BAZ2B: variants seen among roughly 807,000 people sequenced by gnomAD.
The protein encoded by BAZ2B is bromodomain adjacent to zinc finger domain 2B.
Under a neutral mutation model 246.0 loss-of-function variants are expected in BAZ2B, and 91 were observed. The observed-to-expected ratio is 0.37, with a 90% CI of 0.31 to 0.44. BAZ2B has a LOEUF of 0.44. Among genes scored for constraint, BAZ2B ranks in the 20% least tolerant of loss-of-function variants. BAZ2B has a pLI of 1.00. For missense variants in BAZ2B, 2,332 were observed against 2,533.7 expected (o/e 0.92, Z 1.71); for synonymous variants, 855 against 860.0 (o/e 0.99, Z 0.10).
At chr2:159,521,580 C>T (rs369607053) in intron 2 of BAZ2B, among the ~76,000 whole-genome samples, 45 of 152,128 alleles carry the variant, frequency 3.0e-4, no homozygotes, top group African/African-American at 1.1e-3. Context: ...CTTTTTGAAT[C>T]GTTTGTTCTT....
chr2:159,491,720 C>CAAAAAAAAAAAAAAAAAAAAAAAAAA (rs773067675), intron 2 of BAZ2B, among the ~76,000 whole-genome samples: 1 of 29,554 alleles, frequency 3.4e-5, no homozygotes, highest in Non-Finnish European at 5.1e-5. Flanking sequence ...GACTCCGTCT[C>CAAAAAAAAAAAAAAAAAAAAAAAAAA]AAAAAAAAAA....
the BAZ2B span, among the ~76,000 whole-genome samples, chr2:159,663,855 CTTTTTTTTTTTTTTTTTTTTTT>C: frequency 2.5e-4 from 23 of 92,488 alleles, no homozygotes; most frequent in African/African-American, 9.0e-4. Flanking sequence ...AAACCATTTT[CTTTTTTTTTTTTTTTTTTTTTT>C]TTTTTTTTTT....
At chr2:159,487,979 A>G (rs773878662) in intron 2 of BAZ2B, among the ~76,000 whole-genome samples, 26 of 152,170 alleles carry the variant, frequency 1.7e-4, no homozygotes, top group Non-Finnish European at 2.4e-4. Context: ...CAAGAAGCTC[A>G]AAGGACAGCT....
At chr2:159,511,811 A>C (rs1326055815) in intron 2 of BAZ2B, among the ~76,000 whole-genome samples, 1 of 152,182 alleles carries the variant, frequency 6.6e-6, no homozygotes, top group Non-Finnish European at 1.5e-5. Flanking sequence ...TAAAATAAAG[A>C]ATGTTGTAGG....
At chr2:159,696,430 C>T in the BAZ2B span, among the ~76,000 whole-genome samples, 1 of 152,188 alleles carries the variant, frequency 6.6e-6, no homozygotes, top group Middle Eastern at 3.4e-3. Flanking sequence ...GGGCATTTAT[C>T]CCTTCCTTTT....
intron 1 of BAZ2B, among the ~76,000 whole-genome samples, chr2:159,566,761 T>G (rs1166901458): frequency 2.6e-5 from 4 of 152,246 alleles, no homozygotes; most frequent in African/African-American, 9.6e-5. Flanking sequence ...AAACACACAT[T>G]TGCATTTTTA....
At chr2:159,659,580 C>T in the BAZ2B span, among the ~76,000 whole-genome samples, 14 of 152,130 alleles carry the variant, frequency 9.2e-5, no homozygotes, top group Non-Finnish European at 1.0e-4. Flanking sequence ...TTTTATTCTC[C>T]ACTTCTGAGT....
At chr2:159,679,672 A>G in the BAZ2B span, among the ~76,000 whole-genome samples, 1 of 152,258 alleles carries the variant, frequency 6.6e-6, no homozygotes, top group Non-Finnish European at 1.5e-5. Context: ...TTAGTTCATC[A>G]CTATTCAGGA....
At chr2:159,630,564 C>G in the BAZ2B span, among the ~76,000 whole-genome samples, 1 of 148,996 alleles carries the variant, frequency 6.7e-6, no homozygotes, top group African/African-American at 2.5e-5. Flanking sequence ...GACGGAGTCT[C>G]GCTCTGTCGC....
At chr2:159,575,518 A>G (rs1179505374) in intron 1 of BAZ2B, among the ~76,000 whole-genome samples, 1 of 152,188 alleles carries the variant, frequency 6.6e-6, no homozygotes, top group Non-Finnish European at 1.5e-5. Flanking sequence ...CTTTGCCTCC[A>G]AAGAAGTCAA....
chr2:159,324,377 T>C (rs2063146198), intron 36 of BAZ2B, among the ~76,000 whole-genome samples: 1 of 152,222 alleles, frequency 6.6e-6, no homozygotes, highest in Non-Finnish European at 1.5e-5. Flanking sequence ...TACATTGTGA[T>C]AATCTAACAA....
chr2:159,521,597 A>AT (rs1030957574), intron 2 of BAZ2B, among the ~76,000 whole-genome samples: 4 of 151,920 alleles, frequency 2.6e-5, no homozygotes, highest in Admixed American at 2.6e-4. Flanking sequence ...TCTTACTTTC[A>AT]TTTTTTTCTC....
intron 21 of BAZ2B, among the ~76,000 whole-genome samples, chr2:159,387,283 T>C (rs3771710): frequency 0.75 from 114,263 of 152,110 alleles, 45,149 homozygotes; most frequent in Middle Eastern, 0.91. Context: ...ATCTCTGTTG[T>C]TATTTCTCAA....
intron 1 of BAZ2B, among the ~76,000 whole-genome samples, chr2:159,564,583 G>A (rs865950819): frequency 5.3e-5 from 8 of 152,106 alleles, no homozygotes; most frequent in Admixed American, 2.6e-4. Flanking sequence ...ATATTTGATT[G>A]CTGATGACTA....
At chr2:159,328,595 G>A (rs1042071460) in intron 34 of BAZ2B, among the ~76,000 whole-genome samples, 1 of 152,126 alleles carries the variant, frequency 6.6e-6, no homozygotes, top group Non-Finnish European at 1.5e-5. Context: ...GTGGAGTTGA[G>A]CTTTGACTAT....
intron 27 of BAZ2B, among the ~76,000 whole-genome samples, chr2:159,358,655 A>C (rs1420104864): frequency 6.6e-6 from 1 of 152,252 alleles, no homozygotes; most frequent in Non-Finnish European, 1.5e-5. Flanking sequence ...TCAACAGAAT[A>C]TACATTCTTC....
At chr2:159,625,636 T>C in the BAZ2B span, among the ~76,000 whole-genome samples, 1 of 152,290 alleles carries the variant, frequency 6.6e-6, no homozygotes, top group East Asian at 1.9e-4. Flanking sequence ...CTGAGAGATT[T>C]TGTCACCACC....
At chr2:159,531,085 C>G (rs528821610) in intron 2 of BAZ2B, among the ~76,000 whole-genome samples, 3 of 152,106 alleles carry the variant, frequency 2.0e-5, no homozygotes, top group Admixed American at 1.3e-4. Flanking sequence ...TATCATTATG[C>G]ATCTGTCATG....
rs754905840 is a variant in BAZ2B at position 159,386,555 on chromosome 2, A to T, written c.3269T>A (p.Phe1090Tyr). ...CTGCACCACCATGAGACAGTCTGAA[A>T]ATGTACTTCCAGAGAGAACAAGTCC... Reference protein sequence around the residue: ...IPGLVLSGSTFSDCLMVVQFL... With the variant: ...IPGLVLSGSTYSDCLMVVQFL... The change falls in exon 22 of 37, where the codon TTT becomes TAT. Residue 1090 changes from phenylalanine (F) to tyrosine (Y), a missense_variant. Physicochemically the swap from Phe to Tyr is conservative, Grantham distance 22 (BLOSUM62 3). This residue lies in a region of BAZ2B where 328 missense variants were observed against 410.4 expected (regional missense o/e 0.80). Coordinates refer to ENST00000392783, the MANE Select transcript of BAZ2B (RefSeq NM_013450.4). 10 of 1,613,472 alleles carry T rather than the reference A, an allele frequency of 6.2e-6. No homozygotes were observed. Among genetic ancestry groups the T allele is most frequent in the Admixed American group, 1.7e-5 (1 of 59,870 alleles).
Sources: gnomAD v4.1 joint callset for allele counts (sites outside exome capture counted in the v4.1 genomes callset) on GRCh38, gnomAD v4.1.1 for gene constraint, gnomAD v4.1.1 regional missense constraint, MANE v1.5 for transcripts, NCBI Gene and HGNC (gene_info 2026-07-23, HGNC 2026-07-21) for gene names.